PALM2AKAP2: variants seen among roughly 807,000 people sequenced by gnomAD.
PALM2AKAP2 encodes the protein PALM2 and AKAP2 fusion.
Under a neutral mutation model 71.5 loss-of-function variants are expected in PALM2AKAP2, and 37 were observed. The observed-to-expected ratio is 0.52, with a 90% CI of 0.40 to 0.68. The LOEUF (loss-of-function observed/expected upper bound fraction) is 0.68, where lower values mean the gene tolerates loss of function less well. Ranked by LOEUF, PALM2AKAP2 falls within the 30% of genes least tolerant of loss-of-function variation. The pLI is 0.00. For synonymous variants in PALM2AKAP2, 468 were observed against 478.8 expected, an observed-to-expected ratio of 0.98 and a Z score of 0.29; for missense variants, 1,224 against 1,191.8, an observed-to-expected ratio of 1.03 and a Z score of -0.40.
chr9:109,672,984 T>C (rs1827597173), intron 1 of PALM2AKAP2, among the ~76,000 whole-genome samples: 1 of 152,054 alleles, frequency 6.6e-6, no homozygotes. Flanking sequence ...TTATTAAATC[T>C]TTTCTCTCTT....
intron 3 of PALM2AKAP2, among the ~76,000 whole-genome samples, chr9:109,914,451 G>A (rs777382133): frequency 3.9e-5 from 6 of 152,214 alleles, no homozygotes; most frequent in Non-Finnish European, 5.9e-5. Flanking sequence ...TTGAGAGAAG[G>A]GGAGGATGGA....
intron 2 of PALM2AKAP2, among the ~76,000 whole-genome samples, chr9:110,151,503 T>A (rs1836314046): frequency 6.6e-6 from 1 of 152,238 alleles, no homozygotes. Flanking sequence ...CCTCTCTCCC[T>A]CCTTGTTTTC....
intron 1 of PALM2AKAP2, among the ~76,000 whole-genome samples, chr9:109,736,514 G>C (rs990805071): frequency 6.6e-6 from 1 of 152,100 alleles, no homozygotes; most frequent in Non-Finnish European, 1.5e-5. Context: ...AGGCCTTGAC[G>C]TAGAGCCATT....
intron 1 of PALM2AKAP2, among the ~76,000 whole-genome samples, chr9:110,051,491 T>G (rs1833709314): frequency 6.6e-6 from 1 of 152,220 alleles, no homozygotes; most frequent in Admixed American, 6.5e-5. Flanking sequence ...CATTACGGAT[T>G]TGGTGAGCTC....
chr9:110,048,892 G>C, intron 1 of PALM2AKAP2: 5 of 1,484,894 alleles, frequency 3.4e-6, no homozygotes, highest in Non-Finnish European at 4.5e-6. Context: ...GGGCTGGAGT[G>C]TCCTCGAGTG....
chr9:109,834,548 G>C (rs969350277), intron 1 of PALM2AKAP2, among the ~76,000 whole-genome samples: 1 of 152,066 alleles, frequency 6.6e-6, no homozygotes, highest in Non-Finnish European at 1.5e-5. Context: ...GAGGACCTTG[G>C]GGGATTGCCT....
chr9:110,078,868 T>C (rs112780503), intron 1 of PALM2AKAP2, among the ~76,000 whole-genome samples: 238 of 152,308 alleles, frequency 1.6e-3, no homozygotes, highest in Admixed American at 3.3e-3. Context: ...AAAATGGCAG[T>C]GGTGGCCTCC....
chr9:110,028,573 T>C (rs1417569456), intron 7 of PALM2AKAP2, among the ~76,000 whole-genome samples: 2 of 152,068 alleles, frequency 1.3e-5, no homozygotes. Context: ...TCAAAGTGAG[T>C]GTGTGGTGGA....
intron 1 of PALM2AKAP2, among the ~76,000 whole-genome samples, chr9:109,858,001 A>C (rs1407033207): frequency 6.6e-6 from 1 of 152,244 alleles, no homozygotes; most frequent in Non-Finnish European, 1.5e-5. Flanking sequence ...CAAAATCCTA[A>C]GCCAAAAACT....
At chr9:110,011,573 G>A (rs1220579930) in intron 6 of PALM2AKAP2, among the ~76,000 whole-genome samples, 1 of 152,130 alleles carries the variant, frequency 6.6e-6, no homozygotes, top group Non-Finnish European at 1.5e-5. Flanking sequence ...TTGGCAGAAT[G>A]GAAATCATTT....
At position 110,048,803 on chromosome 9, in the gene PALM2AKAP2, GCTGGA is replaced by G. The variant is rs1473876411; in HGVS notation, c.110_114del (p.Thr37SerfsTer21). 25 of 1,533,392 alleles carry G rather than the reference GCTGGA, an allele frequency of 1.6e-5. No individual in the cohort carries two copies. The African/African-American group carries it at 3.0e-4, about 19-fold the overall frequency. 95.0% of individuals were successfully genotyped at this position (1,533,392 alleles called of 1,614,324 possible). A position where few individuals can be genotyped will look rare whatever the true frequency, so the allele number is the denominator to read the frequency against. ...GAGCGGGAGGCAGCGGCCGCGCGGC[GCTGGA>G]CTGGAGCAGAACCCCAGGACTGCGC... is the stretch of plus-strand genomic sequence containing the variant. On this transcript the variant is annotated frameshift_variant, in exon 1 of 4. Coordinates refer to ENST00000374525, the Ensembl canonical transcript of PALM2AKAP2. LOFTEE classifies it high-confidence loss of function.
At chr9:110,043,052 G>A (rs1156402507) in intron 7 of PALM2AKAP2, among the ~76,000 whole-genome samples, 1 of 151,904 alleles carries the variant, frequency 6.6e-6, no homozygotes, top group Non-Finnish European at 1.5e-5. Flanking sequence ...CTGCCTCCCT[G>A]CTACCTTTCC....
chr9:109,653,732 C>T (rs1827257104), intron 1 of PALM2AKAP2, among the ~76,000 whole-genome samples: 1 of 152,176 alleles, frequency 6.6e-6, no homozygotes, highest in Admixed American at 6.5e-5. Context: ...AGACCACACT[C>T]TGAGTAGCAA....
At chr9:110,009,583 G>A (rs774368883) in intron 6 of PALM2AKAP2, among the ~76,000 whole-genome samples, 3 of 151,802 alleles carry the variant, frequency 2.0e-5, no homozygotes, top group Non-Finnish European at 4.4e-5. Flanking sequence ...GCGTGGTAGC[G>A]GGCGCCTGTA....
chr9:110,065,632 G>A (rs1210361864), intron 1 of PALM2AKAP2, among the ~76,000 whole-genome samples: 2 of 152,142 alleles, frequency 1.3e-5, no homozygotes, highest in East Asian at 1.9e-4. Context: ...TTGTGCAACC[G>A]TCCCCACCAT....
At chr9:109,834,337 C>T (rs891762184) in intron 1 of PALM2AKAP2, among the ~76,000 whole-genome samples, 2 of 152,216 alleles carry the variant, frequency 1.3e-5, no homozygotes, top group African/African-American at 2.4e-5. Flanking sequence ...TTGTAACAGG[C>T]AGAAACCAGT....
At chr9:109,792,254 T>TA (rs1369462016) in intron 1 of PALM2AKAP2, among the ~76,000 whole-genome samples, 18 of 151,946 alleles carry the variant, frequency 1.2e-4, no homozygotes, top group Admixed American at 1.2e-3. Context: ...AAGCACTCTT[T>TA]AAAAAAAATG....
At chr9:109,689,452 G>A (rs754503710) in intron 1 of PALM2AKAP2, among the ~76,000 whole-genome samples, 33 of 151,950 alleles carry the variant, frequency 2.2e-4, no homozygotes, top group Non-Finnish European at 3.8e-4. Flanking sequence ...CACCCGCCTC[G>A]GCCACCCAAA....
intron 3 of PALM2AKAP2, among the ~76,000 whole-genome samples, chr9:109,915,387 G>A (rs1830663574): frequency 6.6e-6 from 1 of 152,220 alleles, no homozygotes; most frequent in African/African-American, 2.4e-5. Flanking sequence ...TCTGACCTGT[G>A]CTTCTGTGAG....
Sources: allele counts gnomAD v4.1 joint callset (sites outside exome capture counted in the v4.1 genomes callset), GRCh38; gene constraint gnomAD v4.1.1; transcripts MANE v1.5; gene names NCBI Gene and HGNC (gene_info 2026-07-23, HGNC 2026-07-21).